TBC1D9: variants seen among roughly 807,000 people sequenced by gnomAD.
TBC1D9 encodes TBC1 domain family member 9.
A neutral mutation model predicts 132.0 loss-of-function variants in TBC1D9; 63 were observed. The observed-to-expected ratio is 0.48, with a 90% CI of 0.39 to 0.59. The LOEUF is 0.59. TBC1D9 is among the 20% of genes least tolerant of loss of function. The probability of loss-of-function intolerance (pLI) is 0.00; values close to 1 mark genes in which losing one functional copy is unlikely to be tolerated. For missense variants in TBC1D9, 1,261 were observed against 1,592.7 expected (o/e 0.79, Z 3.54); for synonymous variants, 610 against 609.9 (o/e 1.00, Z 0.00).
At position 140,657,397 on chromosome 4, in the gene TBC1D9, A is replaced by G; in HGVS notation, c.2207+130T>C. 3.0e-6 allele frequency: 4 copies of G among 1,351,510 alleles called. No homozygotes were observed. In the South Asian group the frequency reaches 5.8e-5, roughly 20 times the overall value. 83.7% of individuals were successfully genotyped at this position (1,351,510 alleles called of 1,614,324 possible). A position where few individuals can be genotyped will look rare whatever the true frequency, so the allele number is the denominator to read the frequency against. On this transcript the variant is annotated intron_variant, in intron 12 of 20. Transcript: ENST00000442267. ...AATTTCTAAAGAAAAAGCATATGAA[A>G]ATAAATCCTCAGCCACAGGAAGAAG...
At chr4:140,742,008 C>G (rs1738765699) in intron 1 of TBC1D9, among the ~76,000 whole-genome samples, 1 of 152,176 alleles carries the variant, frequency 6.6e-6, no homozygotes, top group Admixed American at 6.5e-5. Flanking sequence ...TCACGTCTGC[C>G]TGTAACTTGT....
intron 13 of TBC1D9, 46 bp downstream of exon 13, chr4:140,657,051 G>A: frequency 6.2e-7 from 1 of 1,600,978 alleles, no homozygotes; most frequent in Non-Finnish European, 8.5e-7. Context: ...CAGTGGAAGT[G>A]TCGAATGCAT....
chr4:140,755,906 C>A lies in TBC1D9; in HGVS notation c.130+10G>T. ...GCTCCCCTCCTGCAGGGATCGGCCACGGTCCTTACCCGCCAGTCCGCCGCC... is the reference window on the plus strand; with the variant it reads ...GCTCCCCTCCTGCAGGGATCGGCCAAGGTCCTTACCCGCCAGTCCGCCGCC... On this transcript the variant is annotated intron_variant, in intron 1 of 20. Transcript: ENST00000442267. 3 of 1,543,556 alleles carry A rather than the reference C, an allele frequency of 1.9e-6. No homozygotes were observed. The highest frequency in any genetic ancestry group is 2.6e-6 in the Non-Finnish European group (3 of 1,147,932).
intron 5 of TBC1D9, among the ~76,000 whole-genome samples, chr4:140,678,428 C>T (rs1578836829): frequency 1.3e-5 from 2 of 152,222 alleles, no homozygotes; most frequent in Non-Finnish European, 2.9e-5. Flanking sequence ...TCTAGCTCTG[C>T]TCTCACATTC....
chr4:140,651,412 G>T (rs1025023529), intron 13 of TBC1D9, among the ~76,000 whole-genome samples: 2 of 152,166 alleles, frequency 1.3e-5, no homozygotes, highest in African/African-American at 4.8e-5. Flanking sequence ...GGAGTGAGCC[G>T]AGATGGCACC....
chr4:140,741,374 T>A (rs1738755885), intron 1 of TBC1D9, among the ~76,000 whole-genome samples: 1 of 152,140 alleles, frequency 6.6e-6, no homozygotes, highest in African/African-American at 2.4e-5. Flanking sequence ...CTCCTCCAGA[T>A]CCAGAAGAGA....
intron 1 of TBC1D9, chr4:140,715,671 T>G (rs1012190984): frequency 1.3e-5 from 2 of 152,170 alleles, no homozygotes; most frequent in Admixed American, 1.3e-4. Flanking sequence ...CAGACTGTAA[T>G]TAAAACAATC....
intron 10 of TBC1D9, 90 bp from the exon 11 acceptor site, chr4:140,659,795 G>A: frequency 2.3e-6 from 2 of 888,870 alleles, no homozygotes; most frequent in East Asian, 2.7e-5. Context: ...ATTCTCACAA[G>A]GGCTGGCAAA....
chr4:140,682,873 G>A (rs1035688616), intron 3 of TBC1D9, among the ~76,000 whole-genome samples: 3 of 152,096 alleles, frequency 2.0e-5, no homozygotes, highest in Admixed American at 2.0e-4. Flanking sequence ...TTTCTAGAGT[G>A]CTCACTGAAT....
chr4:140,751,150 C>G (rs1430875825), intron 1 of TBC1D9, among the ~76,000 whole-genome samples: 1 of 152,052 alleles, frequency 6.6e-6, no homozygotes, highest in African/African-American at 2.4e-5. Flanking sequence ...ACACAATTAC[C>G]TATGTAACAA....
chr4:140,681,529 A>T (rs13435167), intron 3 of TBC1D9, among the ~76,000 whole-genome samples: 15,874 of 152,130 alleles, frequency 0.1, 1,338 homozygotes, highest in African/African-American at 0.23. Context: ...CATAACAGCA[A>T]ATGGTGGGCT....
At chr4:140,753,163 A>G (rs1033135431) in intron 1 of TBC1D9, among the ~76,000 whole-genome samples, 3 of 151,996 alleles carry the variant, frequency 2.0e-5, no homozygotes, top group Non-Finnish European at 2.9e-5. Flanking sequence ...TCTTCTTATG[A>G]TATTTGTTCT....
intron 13 of TBC1D9, among the ~76,000 whole-genome samples, chr4:140,656,197 A>G (rs1363676093): frequency 6.6e-6 from 1 of 152,186 alleles, no homozygotes; most frequent in East Asian, 1.9e-4. Flanking sequence ...GAAGCAGGTA[A>G]GCCTATAGTC....
intron 17 of TBC1D9, among the ~76,000 whole-genome samples, chr4:140,627,938 G>A (rs1317936863): frequency 5.9e-5 from 9 of 152,114 alleles, no homozygotes. Flanking sequence ...TACCAACCTT[G>A]TTTAAAATTG....
At chr4:140,640,308 G>C (rs1375742937) in intron 13 of TBC1D9, among the ~76,000 whole-genome samples, 2 of 151,936 alleles carry the variant, frequency 1.3e-5, no homozygotes, top group Non-Finnish European at 2.9e-5. Flanking sequence ...AAAGAGGGAG[G>C]GTATCACATG....
chr4:140,713,095 G>A (rs1738276123), intron 1 of TBC1D9, among the ~76,000 whole-genome samples: 1 of 152,120 alleles, frequency 6.6e-6, no homozygotes, highest in Admixed American at 6.6e-5. Context: ...TCTGAGTCTT[G>A]AGGTTAATTT....
At chr4:140,632,348 CA>C in intron 16 of TBC1D9, among the ~76,000 whole-genome samples, 1 of 151,524 alleles carries the variant, frequency 6.6e-6, no homozygotes, top group East Asian at 2.0e-4. Context: ...AGCATAGCGT[CA>C]AAGGGGTCTT....
intron 13 of TBC1D9, among the ~76,000 whole-genome samples, chr4:140,656,780 A>G (rs1737278055): frequency 6.6e-6 from 1 of 152,214 alleles, no homozygotes; most frequent in East Asian, 1.9e-4. Context: ...TTAGGTCATG[A>G]AGACTCTGCC....
chr4:140,633,420 G>A (rs999566241), intron 16 of TBC1D9, among the ~76,000 whole-genome samples: 1 of 152,188 alleles, frequency 6.6e-6, no homozygotes, highest in Non-Finnish European at 1.5e-5. Context: ...GTGGTGAGGT[G>A]TGGGGTGAGG....
Sources: allele counts gnomAD v4.1 joint callset (sites outside exome capture counted in the v4.1 genomes callset), GRCh38; gene constraint gnomAD v4.1.1; transcripts MANE v1.5; gene names NCBI Gene and HGNC (gene_info 2026-07-23, HGNC 2026-07-21).